Variants in MCU observed in about 807,000 individuals in gnomAD.
The protein encoded by MCU is calcium uniporter protein, mitochondrial.
In MCU, 12 loss-of-function variants were observed where a neutral mutation model predicts 45.2. That is an observed-to-expected ratio of 0.27 (90% CI 0.17 to 0.43). MCU has a LOEUF of 0.43. MCU is among the 20% of genes least tolerant of loss of function. The pLI is 1.00. For synonymous variants in MCU, 160 were observed against 165.1 expected, an observed-to-expected ratio of 0.97 and a Z score of 0.24; for missense variants, 324 against 436.7, an observed-to-expected ratio of 0.74 and a Z score of 2.30.
intron 1 of MCU, among the ~76,000 whole-genome samples, chr10:72,718,712 T>G (rs1486592204): frequency 1.3e-5 from 2 of 152,220 alleles, no homozygotes; most frequent in African/African-American, 4.8e-5. Flanking sequence ...GCAGGACTGA[T>G]AGTCCAAACT....
chr10:72,705,359 G>C (rs1413151722), intron 1 of MCU, among the ~76,000 whole-genome samples: 2 of 152,120 alleles, frequency 1.3e-5, no homozygotes, highest in Non-Finnish European at 2.9e-5. Context: ...TGAACAATTT[G>C]TGTAGCATTA....
intron 6 of MCU, among the ~76,000 whole-genome samples, chr10:72,880,245 G>GA (rs2132899358): frequency 6.6e-6 from 1 of 152,234 alleles, no homozygotes; most frequent in Non-Finnish European, 1.5e-5. Context: ...AGATTGGAAA[G>GA]AAAGAAAACT....
At chr10:72,861,801 A>G (rs1396922969) in intron 4 of MCU, 4 of 305,134 alleles carry the variant, frequency 1.3e-5, no homozygotes, top group Non-Finnish European at 1.9e-5. Flanking sequence ...CCAGCAAGAT[A>G]AATAGTATTT....
At chr10:72,869,978 C>T (rs894486146) in intron 5 of MCU, among the ~76,000 whole-genome samples, 9 of 152,066 alleles carry the variant, frequency 5.9e-5, no homozygotes, top group South Asian at 2.1e-4. Flanking sequence ...TATACCTATA[C>T]GCATTTATAT....
At chr10:72,848,562 A>G (rs1322618228) in intron 2 of MCU, among the ~76,000 whole-genome samples, 1 of 152,154 alleles carries the variant, frequency 6.6e-6, no homozygotes, top group African/African-American at 2.4e-5. Flanking sequence ...ATCACCTCTT[A>G]AAGGTCCTGC....
At chr10:72,709,227 A>T (rs1019385720) in intron 1 of MCU, among the ~76,000 whole-genome samples, 4 of 152,164 alleles carry the variant, frequency 2.6e-5, no homozygotes, top group Admixed American at 2.6e-4. Context: ...TTCTGTCCCC[A>T]CTGTATCCTG....
At chr10:72,868,926 C>T in intron 5 of MCU, 63 bp downstream of exon 5, 2 of 1,520,588 alleles carry the variant, frequency 1.3e-6, no homozygotes, top group Non-Finnish European at 1.8e-6. Flanking sequence ...ATATATGTTT[C>T]TGTTTTTTCT....
At chr10:72,790,369 C>T (rs1844140661) in intron 1 of MCU, among the ~76,000 whole-genome samples, 1 of 152,122 alleles carries the variant, frequency 6.6e-6, no homozygotes, top group South Asian at 2.1e-4. Flanking sequence ...CTTCCACACC[C>T]AGTTGGGGGC....
At chr10:72,715,793 A>T (rs1266798624) in intron 1 of MCU, 1 of 853,198 alleles carries the variant, frequency 1.2e-6, no homozygotes, top group Non-Finnish European at 1.4e-6. Context: ...ATATAAATTA[A>T]CACATCCCCT....
intron 6 of MCU, among the ~76,000 whole-genome samples, chr10:72,872,631 T>G (rs988295457): frequency 3.3e-5 from 5 of 152,238 alleles, no homozygotes; most frequent in Non-Finnish European, 7.3e-5. Context: ...TTCCATTGTG[T>G]ATATGTACCA....
chr10:72,750,114 T>C (rs1843473451), intron 1 of MCU, among the ~76,000 whole-genome samples: 1 of 152,004 alleles, frequency 6.6e-6, no homozygotes, highest in South Asian at 2.1e-4. Flanking sequence ...AGAATCCTGG[T>C]AGGCTGTAGG....
At chr10:72,855,347 G>A (rs1845271532) in intron 2 of MCU, among the ~76,000 whole-genome samples, 1 of 152,146 alleles carries the variant, frequency 6.6e-6, no homozygotes, top group Non-Finnish European at 1.5e-5. Flanking sequence ...GGATGCTGAG[G>A]TGTGAGAATA....
At chr10:72,770,174 T>C (rs1269144659) in intron 1 of MCU, among the ~76,000 whole-genome samples, 1 of 152,182 alleles carries the variant, frequency 6.6e-6, no homozygotes, top group Non-Finnish European at 1.5e-5. Context: ...CTTTATTATT[T>C]CAATCCTTTT....
intron 1 of MCU, among the ~76,000 whole-genome samples, chr10:72,813,558 A>G (rs1844578603): frequency 1.4e-5 from 2 of 145,816 alleles, no homozygotes; most frequent in Admixed American, 1.5e-4. Context: ...TCCTGGGATC[A>G]AGCGATTCTC....
intron 1 of MCU, among the ~76,000 whole-genome samples, chr10:72,800,193 A>G (rs549655526): frequency 9.9e-5 from 15 of 152,188 alleles, no homozygotes; most frequent in Non-Finnish European, 1.5e-4. Flanking sequence ...GCACAGCATG[A>G]TGGTGATGCC....
intron 2 of MCU, among the ~76,000 whole-genome samples, chr10:72,845,124 G>A (rs1845102312): frequency 6.6e-6 from 1 of 152,122 alleles, no homozygotes; most frequent in African/African-American, 2.4e-5. Context: ...GATCAGATTA[G>A]AGGAAGCTTG....
chr10:72,703,078 T>C (rs1842778599), intron 1 of MCU, among the ~76,000 whole-genome samples: 1 of 152,046 alleles, frequency 6.6e-6, no homozygotes, highest in South Asian at 2.1e-4. Context: ...CATGACCTCA[T>C]GAGGGAGTAA....
intron 1 of MCU, among the ~76,000 whole-genome samples, chr10:72,698,067 T>C (rs1842712668): frequency 6.6e-6 from 1 of 152,248 alleles, no homozygotes; most frequent in East Asian, 1.9e-4. Flanking sequence ...AGGCATGAGC[T>C]ACCACATCCA....
intron 2 of MCU, among the ~76,000 whole-genome samples, chr10:72,856,984 T>C (rs1432654326): frequency 1.3e-5 from 2 of 150,130 alleles, no homozygotes; most frequent in African/African-American, 2.5e-5. Flanking sequence ...TCCCACTCGG[T>C]TGCTCAGGCT....
Sources: allele counts gnomAD v4.1 joint callset (sites outside exome capture counted in the v4.1 genomes callset), GRCh38; gene constraint gnomAD v4.1.1; transcripts MANE v1.5; gene names NCBI Gene and HGNC (gene_info 2026-07-23, HGNC 2026-07-21).